CDKAL1: variants seen among roughly 807,000 people sequenced by gnomAD.
The protein encoded by CDKAL1 is threonylcarbamoyladenosine tRNA methylthiotransferase.
A neutral mutation model predicts 68.2 loss-of-function variants in CDKAL1; 32 were observed. The ratio of observed to expected loss-of-function variants is 0.47; its 90% CI spans 0.35 to 0.63. CDKAL1 has a LOEUF of 0.63. CDKAL1 is among the 30% of genes least tolerant of loss of function. The probability of loss-of-function intolerance (pLI) is 0.00; values close to 1 mark genes in which losing one functional copy is unlikely to be tolerated. For synonymous variants in CDKAL1, 234 were observed against 244.3 expected, an observed-to-expected ratio of 0.96 and a Z score of 0.39; for missense variants, 606 against 696.7, an observed-to-expected ratio of 0.87 and a Z score of 1.47.
intron 5 of CDKAL1, among the ~76,000 whole-genome samples, chr6:20,689,302 A>G (rs1309879639): frequency 6.6e-6 from 1 of 152,130 alleles, no homozygotes; most frequent in African/African-American, 2.4e-5. Context: ...TTTACTCTAA[A>G]AGTTGTCCAC....
intron 8 of CDKAL1, among the ~76,000 whole-genome samples, chr6:20,830,104 C>T (rs1261293054): frequency 6.6e-6 from 1 of 152,154 alleles, no homozygotes; most frequent in Non-Finnish European, 1.5e-5. Flanking sequence ...AATCCACCTG[C>T]CTCGGCCTCC....
intron 7 of CDKAL1, among the ~76,000 whole-genome samples, chr6:20,769,961 ATTAT>A (rs1774868652): frequency 6.6e-6 from 1 of 151,958 alleles, no homozygotes; most frequent in South Asian, 2.1e-4. Context: ...AGGCCCATTT[ATTAT>A]TTTCTTTTCT....
intron 12 of CDKAL1, among the ~76,000 whole-genome samples, chr6:21,071,268 G>C (rs889380205): frequency 6.6e-6 from 1 of 152,022 alleles, no homozygotes; most frequent in Non-Finnish European, 1.5e-5. Context: ...ATTCCCCCAT[G>C]CTGTTTTCAT....
Position 20,718,554 on chromosome 6 carries a change from C to T in CDKAL1, c.372-20965C>T, listed in dbSNP as rs550870460. Among the ~76,000 whole-genome samples, 3 of 152,234 alleles carry T rather than the reference C, an allele frequency of 2.0e-5. No homozygotes were observed. The South Asian group carries it at 6.2e-4, about 32-fold the overall frequency. ...CAAACTGGGGGTGAAAGAAAAGAAG[C>T]TGAATATATTGCCTGTTTTCAAATA... On this transcript the variant is annotated intron_variant, in intron 5 of 15. Transcript: ENST00000274695.
intron 13 of CDKAL1, among the ~76,000 whole-genome samples, chr6:21,142,069 A>AT (rs1775943673): frequency 6.6e-6 from 1 of 152,194 alleles, no homozygotes; most frequent in South Asian, 2.1e-4. Flanking sequence ...AAACATTTAA[A>AT]TAGCTGGTCC....
At chr6:20,940,199 TATGTC>T (rs935417086) in intron 9 of CDKAL1, among the ~76,000 whole-genome samples, 1 of 152,136 alleles carries the variant, frequency 6.6e-6, no homozygotes, top group Non-Finnish European at 1.5e-5. Context: ...TTTAATAAAA[TATGTC>T]AATACAATCA....
intron 15 of CDKAL1, among the ~76,000 whole-genome samples, chr6:21,220,128 T>C (rs73387998): frequency 0.09 from 13,759 of 152,162 alleles, 1,822 homozygotes; most frequent in African/African-American, 0.29. Context: ...ATCATGAATG[T>C]TGGGATTACA....
rs960459289 is a variant in CDKAL1, at chr6:20,694,042, T to G, written c.371+44665T>G. 3.1e-4 allele frequency among the ~76,000 whole-genome samples: 36 copies of G among 114,404 alleles called. 1 individual carries two copies. In the South Asian group the frequency reaches 9.5e-3, roughly 30 times the overall value. 75.1% of individuals were successfully genotyped at this position (114,404 alleles called of 152,430 possible). On this transcript the variant is annotated intron_variant, in intron 5 of 15. Transcript: ENST00000274695. ...CACACACTAACACACCCGGCTAACT[T>G]TGTGTGTGTGTGTGTGTGTATGTGT...
intron 4 of CDKAL1, among the ~76,000 whole-genome samples, chr6:20,629,487 T>C (rs1003054829): frequency 4.6e-5 from 7 of 152,218 alleles, no homozygotes; most frequent in African/African-American, 1.7e-4. Flanking sequence ...CTTCAAACTT[T>C]CACCCCTCTT....
chr6:20,920,934 G>A (rs1762926080), intron 9 of CDKAL1, among the ~76,000 whole-genome samples: 1 of 152,052 alleles, frequency 6.6e-6, no homozygotes, highest in African/African-American at 2.4e-5. Flanking sequence ...TGTCTTTCTT[G>A]AGATTCAGAT....
At chr6:20,657,934 C>A (rs1769103618) in intron 5 of CDKAL1, among the ~76,000 whole-genome samples, 1 of 152,138 alleles carries the variant, frequency 6.6e-6, no homozygotes, top group African/African-American at 2.4e-5. Flanking sequence ...TCCTCTTGAG[C>A]ATTTGTCAGT....
At chr6:20,957,997 C>G (rs1412731799) in intron 10 of CDKAL1, among the ~76,000 whole-genome samples, 1 of 148,720 alleles carries the variant, frequency 6.7e-6, no homozygotes, top group Admixed American at 6.7e-5. Flanking sequence ...AAAGGAAGAG[C>G]CTTCTTCATA....
At chr6:20,945,096 A>AC (rs70990085) in intron 9 of CDKAL1, among the ~76,000 whole-genome samples, 6 of 151,340 alleles carry the variant, frequency 4.0e-5, no homozygotes, top group South Asian at 2.1e-4. Context: ...ACACACACAC[A>AC]ACCTTTTTAC....
At chr6:20,629,123 T>C (rs1198749877) in intron 4 of CDKAL1, among the ~76,000 whole-genome samples, 1 of 152,236 alleles carries the variant, frequency 6.6e-6, no homozygotes, top group African/African-American at 2.4e-5. Flanking sequence ...TAATCTGGAC[T>C]AGTTTCTCTC....
intron 9 of CDKAL1, among the ~76,000 whole-genome samples, chr6:20,916,103 A>G (rs1161587856): frequency 2.0e-5 from 3 of 152,188 alleles, no homozygotes; most frequent in Middle Eastern, 3.2e-3. Context: ...CTGTGTGCCG[A>G]CTGTAGTAAT....
intron 9 of CDKAL1, among the ~76,000 whole-genome samples, chr6:20,897,935 T>C (rs1761777559): frequency 6.6e-6 from 1 of 152,188 alleles, no homozygotes; most frequent in Non-Finnish European, 1.5e-5. Flanking sequence ...AAGATTGGAT[T>C]ATATGAATGA....
rs796988911 is a variant in CDKAL1 at position 20,620,692 on chromosome 6, A to AT, written c.287-28589dup. Among the ~76,000 whole-genome samples, 808 of 146,410 alleles carry AT rather than the reference A, an allele frequency of 5.5e-3. 5 individuals are homozygous for AT. The highest frequency in any genetic ancestry group is 0.017 in the African/African-American group (690 of 40,228). ...ATATTTCCTGCCTGTCTAACACCGA[A>AT]TTTTTTTTTTTTCTGGAAGAAAACT... is the stretch of plus-strand genomic sequence containing the variant. On this transcript the variant is annotated intron_variant, in intron 4 of 15. Transcript: ENST00000274695.
intron 5 of CDKAL1, among the ~76,000 whole-genome samples, chr6:20,694,395 A>AC (rs149058885): frequency 0.011 from 1,729 of 151,496 alleles, 30 homozygotes; most frequent in African/African-American, 0.035. Context: ...ATCTAGGGAG[A>AC]CCCCCTTTGG....
intron 5 of CDKAL1, among the ~76,000 whole-genome samples, chr6:20,735,671 C>A (rs1016740405): frequency 6.6e-6 from 1 of 152,104 alleles, no homozygotes; most frequent in East Asian, 1.9e-4. Context: ...GTTCTTATTC[C>A]CTTAAAATAA....
Sources: gnomAD v4.1 joint callset for allele counts (sites outside exome capture counted in the v4.1 genomes callset) on GRCh38, gnomAD v4.1.1 for gene constraint, MANE v1.5 for transcripts, NCBI Gene and HGNC (gene_info 2026-07-23, HGNC 2026-07-21) for gene names.